The following PRR16 variants were observed in gnomAD, a reference collection of about 807,000 sequenced individuals.
The protein encoded by PRR16 is protein Largen.
PRR16 carries 6 observed loss-of-function variants against 18.2 expected under a neutral mutation model. The ratio of observed to expected loss-of-function variants is 0.33; its 90% confidence interval spans 0.18 to 0.65. The LOEUF (loss-of-function observed/expected upper bound fraction) is 0.65, where lower values mean the gene tolerates loss of function less well. Among genes scored for constraint, PRR16 ranks in the 30% least tolerant of loss-of-function variants. The pLI is 0.74. For synonymous variants in PRR16, 151 were observed against 147.8 expected (o/e 1.02, Z -0.16); for missense variants, 412 against 376.6 (o/e 1.09, Z -0.78).
intron 1 of PRR16, among the ~76,000 whole-genome samples, chr5:120,532,155 A>G (rs1751571911): frequency 1.3e-5 from 2 of 152,182 alleles, no homozygotes; most frequent in South Asian, 4.1e-4. Context: ...GATCCAGGGA[A>G]ACTAATGTTG....
the PRR16 span, among the ~76,000 whole-genome samples, chr5:120,770,536 C>T: frequency 7.2e-5 from 11 of 151,754 alleles, no homozygotes; most frequent in East Asian, 1.7e-3. Flanking sequence ...TACTAAGATA[C>T]GAAAAGGAGG....
chr5:120,621,377 C>G (rs17428689), intron 1 of PRR16, among the ~76,000 whole-genome samples: 1 of 151,952 alleles, frequency 6.6e-6, no homozygotes, highest in African/African-American at 2.4e-5. Context: ...TGATCATTCC[C>G]CTGTGATCTG....
intron 1 of PRR16, among the ~76,000 whole-genome samples, chr5:120,482,472 A>G (rs1291575923): frequency 6.6e-6 from 1 of 152,092 alleles, no homozygotes; most frequent in Non-Finnish European, 1.5e-5. Flanking sequence ...ATTCTTTGTT[A>G]TGACTGTATA....
chr5:120,620,333 T>G (rs979463820), intron 1 of PRR16, among the ~76,000 whole-genome samples: 5 of 152,188 alleles, frequency 3.3e-5, no homozygotes, highest in Non-Finnish European at 4.4e-5. Flanking sequence ...CAGACGAGCT[T>G]CATGATTATG....
At chr5:120,531,376 AGCTTGCTGGCT>A (rs1037709827) in intron 1 of PRR16, 1 of 152,096 alleles carries the variant, frequency 6.6e-6, no homozygotes, top group Non-Finnish European at 1.5e-5. Flanking sequence ...CGTTCGGGGA[AGCTTGCTGGCT>A]TCTTCCACAC....
downstream of PRR16, among the ~76,000 whole-genome samples, chr5:120,687,869 T>A (rs142978926): frequency 3.7e-4 from 57 of 152,324 alleles, no homozygotes; most frequent in East Asian, 0.01. Context: ...CCACCCATGG[T>A]CCAAATTTAA....
intron 1 of PRR16, among the ~76,000 whole-genome samples, chr5:120,568,883 T>C (rs1356745400): frequency 6.6e-6 from 1 of 152,110 alleles, no homozygotes; most frequent in Non-Finnish European, 1.5e-5. Context: ...TAAAATATTT[T>C]TGGAATGCTG....
chr5:120,673,948 T>A (rs1270666405), intron 1 of PRR16, among the ~76,000 whole-genome samples: 1 of 52,526 alleles, frequency 1.9e-5, no homozygotes, highest in East Asian at 5.7e-4. Flanking sequence ...AGTGAGACCC[T>A]TTCTCAAAGA....
chr5:120,732,974 T>C, the PRR16 span, among the ~76,000 whole-genome samples: 212 of 152,282 alleles, frequency 1.4e-3, no homozygotes, highest in African/African-American at 4.8e-3. Flanking sequence ...TAAAGCTATA[T>C]GTTTGTTGAG....
the PRR16 span, among the ~76,000 whole-genome samples, chr5:120,717,291 A>G: frequency 6.6e-6 from 1 of 152,188 alleles, no homozygotes; most frequent in Non-Finnish European, 1.5e-5. Context: ...AGATTCTTGT[A>G]TATGTCTTTA....
intron 1 of PRR16, among the ~76,000 whole-genome samples, chr5:120,571,308 T>C (rs558257514): frequency 6.6e-6 from 1 of 152,298 alleles, no homozygotes; most frequent in African/African-American, 2.4e-5. Context: ...GGAAGTCTTC[T>C]GCACAGAGGG....
At chr5:120,776,835 T>G in the PRR16 span, among the ~76,000 whole-genome samples, 1 of 152,104 alleles carries the variant, frequency 6.6e-6, no homozygotes, top group Non-Finnish European at 1.5e-5. Flanking sequence ...CTAAAAGTAT[T>G]GCTCTGTTTT....
In PRR16 at chr5:120,606,088, AT is replaced by A. The variant is rs1754145426; in HGVS notation, c.160-79865del. On this transcript the variant is annotated intron_variant, in intron 1 of 1. Transcript: ENST00000407149. ...GTTGGTGTGGCAGTGGGGCATGTGC[AT>A]GCTGCATGATGGTGGGACAGTCATG... Among the ~76,000 whole-genome samples the A allele has an allele frequency of 3.3e-5, 5 of 152,338 alleles. No individual in the cohort carries two copies. In the South Asian group the frequency reaches 1.0e-3, roughly 32 times the overall value.
chr5:120,697,739 G>A, the PRR16 span, among the ~76,000 whole-genome samples: 1 of 150,940 alleles, frequency 6.6e-6, no homozygotes, highest in Non-Finnish European at 1.5e-5. Flanking sequence ...TGGCGGGCAG[G>A]AGTGGGGGTC....
the PRR16 span, among the ~76,000 whole-genome samples, chr5:120,708,793 G>A: frequency 6.6e-6 from 1 of 151,912 alleles, no homozygotes; most frequent in Non-Finnish European, 1.5e-5. Context: ...AGTAAAAGGA[G>A]GTTCCTGAGC....
chr5:120,669,289 A>T (rs1021285545), intron 1 of PRR16, among the ~76,000 whole-genome samples: 1 of 152,078 alleles, frequency 6.6e-6, no homozygotes, highest in Admixed American at 6.6e-5. Context: ...GGAAAAGGGC[A>T]ATATGAGGCC....
At chr5:120,587,052 A>G (rs1228695545) in intron 1 of PRR16, among the ~76,000 whole-genome samples, 1 of 152,230 alleles carries the variant, frequency 6.6e-6, no homozygotes, top group Non-Finnish European at 1.5e-5. Context: ...TGATCTGGAT[A>G]GACGATTAAA....
intron 1 of PRR16, among the ~76,000 whole-genome samples, chr5:120,605,022 A>C (rs1197499857): frequency 6.6e-6 from 1 of 152,076 alleles, no homozygotes; most frequent in Non-Finnish European, 1.5e-5. Context: ...ATGCATTGGA[A>C]TGGTTGTCTT....
chr5:120,586,289 G>T (rs1400800997), intron 1 of PRR16, among the ~76,000 whole-genome samples: 3 of 151,980 alleles, frequency 2.0e-5, no homozygotes, highest in African/African-American at 7.3e-5. Flanking sequence ...AAAAAAGAGA[G>T]ACCTAATTTA....
Sources: gnomAD v4.1 joint callset for allele counts (sites outside exome capture counted in the v4.1 genomes callset) on GRCh38, gnomAD v4.1.1 for gene constraint, MANE v1.5 for transcripts, NCBI Gene and HGNC (gene_info 2026-07-23, HGNC 2026-07-21) for gene names.